Variants in PRDM16 observed in about 807,000 individuals in gnomAD.
PRDM16 encodes the protein histone-lysine N-methyltransferase PRDM16.
A neutral mutation model predicts 110.6 loss-of-function variants in PRDM16; 23 were observed. That is an observed-to-expected ratio of 0.21 (90% CI 0.15 to 0.29). The LOEUF (loss-of-function observed/expected upper bound fraction) is 0.29, where lower values mean the gene tolerates loss of function less well. Ranked by LOEUF, PRDM16 falls within the 10% of genes least tolerant of loss-of-function variation. The pLI is 1.00. For missense variants in PRDM16, 1,615 were observed against 1,794.3 expected, an observed-to-expected ratio of 0.90 and a Z score of 1.81; for synonymous variants, 799 against 781.8, an observed-to-expected ratio of 1.02 and a Z score of -0.37.
chr1:3,384,244 G>A (rs1370884049), intron 3 of PRDM16, among the ~76,000 whole-genome samples: 2 of 152,102 alleles, frequency 1.3e-5, no homozygotes, highest in African/African-American at 2.4e-5. Context: ...TGAGTGTAGC[G>A]TGGCCCCATC....
At chr1:3,342,236 AT>A (rs2100515847) in intron 3 of PRDM16, among the ~76,000 whole-genome samples, 1 of 152,338 alleles carries the variant, frequency 6.6e-6, no homozygotes, top group African/African-American at 2.4e-5. Context: ...ATGAATGAAC[AT>A]ATTCCTAAGA....
At chr1:3,197,501 A>T (rs189613481) in intron 2 of PRDM16, among the ~76,000 whole-genome samples, 61 of 152,236 alleles carry the variant, frequency 4.0e-4, no homozygotes, top group Non-Finnish European at 6.3e-4. Flanking sequence ...TGGTGCCTGC[A>T]CCTGCAGTGC....
At chr1:3,419,376 G>A (rs776024611) in intron 12 of PRDM16, among the ~76,000 whole-genome samples, 4 of 152,216 alleles carry the variant, frequency 2.6e-5, no homozygotes, top group Non-Finnish European at 4.4e-5. Context: ...ACAGCTCATC[G>A]GGATGGGGGA....
chr1:3,379,896 C>A (rs376716970), intron 3 of PRDM16, among the ~76,000 whole-genome samples: 60 of 5,478 alleles, frequency 0.011, no homozygotes, highest in African/African-American at 0.015. Flanking sequence ...CAGCACACCC[C>A]TCCCAACACA....
intron 5 of PRDM16, among the ~76,000 whole-genome samples, chr1:3,402,542 C>T (rs549025341): frequency 2.0e-5 from 3 of 152,312 alleles, no homozygotes; most frequent in Non-Finnish European, 4.4e-5. Flanking sequence ...GCCCGGGGCT[C>T]CCTCTGAGGC....
At chr1:3,270,888 C>T (rs1053370140) in intron 3 of PRDM16, among the ~76,000 whole-genome samples, 4 of 151,132 alleles carry the variant, frequency 2.6e-5, no homozygotes, top group Admixed American at 1.3e-4. Context: ...GGAGGAGGAC[C>T]GTTGGGAGGA....
intron 1 of PRDM16, among the ~76,000 whole-genome samples, chr1:3,164,091 C>T (rs773850710): frequency 1.6e-4 from 24 of 152,344 alleles, no homozygotes; most frequent in Non-Finnish European, 2.9e-4. Context: ...TGGCCCGCTG[C>T]GCCCTGAAGC....
chr1:3,432,446 G>A (rs1045946897), intron 16 of PRDM16, among the ~76,000 whole-genome samples: 2 of 152,204 alleles, frequency 1.3e-5, no homozygotes, highest in Non-Finnish European at 2.9e-5. Context: ...TTTCTGGCCC[G>A]CCCAGCCGCC....
intron 1 of PRDM16, among the ~76,000 whole-genome samples, chr1:3,123,709 C>T (rs1643144676): frequency 6.6e-6 from 1 of 152,220 alleles, no homozygotes. Flanking sequence ...AGGGTGGCAA[C>T]ATCTTTTTCT....
chr1:3,277,557 G>T (rs1164592307), intron 3 of PRDM16, among the ~76,000 whole-genome samples: 1 of 152,236 alleles, frequency 6.6e-6, no homozygotes, highest in Non-Finnish European at 1.5e-5. Context: ...GAGGAAAAAT[G>T]GGTTTATGTT....
At chr1:3,389,562 C>T (rs368595519) in intron 4 of PRDM16, among the ~76,000 whole-genome samples, 2 of 152,176 alleles carry the variant, frequency 1.3e-5, no homozygotes, top group African/African-American at 4.8e-5. Flanking sequence ...ATGGGAGAGC[C>T]GAGCAGAGCC....
At chr1:3,166,685 C>A (rs1012136318) in intron 1 of PRDM16, among the ~76,000 whole-genome samples, 3 of 152,214 alleles carry the variant, frequency 2.0e-5, no homozygotes, top group Admixed American at 1.3e-4. Flanking sequence ...CCTCCCATCA[C>A]CCAGGGATGA....
rs760915108 is a variant in PRDM16, at chr1:3,417,811, C to T, written c.2692-17C>T. On this transcript the variant is annotated splice_polypyrimidine_tract_variant and intron_variant, in intron 10 of 16. Coordinates refer to ENST00000270722, the MANE Select transcript of PRDM16 (RefSeq NM_022114.4). ...AGAGTCAGCTGAGTCCATAACCTCCCACTCTTATGCCTACAGATGTCAGCC... is the reference window on the plus strand; with the variant it reads ...AGAGTCAGCTGAGTCCATAACCTCCTACTCTTATGCCTACAGATGTCAGCC... 2 of 1,612,740 alleles carry T rather than the reference C, an allele frequency of 1.2e-6. No homozygotes were observed. The highest frequency in any genetic ancestry group is 1.7e-6 in the Non-Finnish European group (2 of 1,179,078).
intron 5 of PRDM16, among the ~76,000 whole-genome samples, chr1:3,402,353 G>A (rs1643486198): frequency 6.6e-6 from 1 of 152,234 alleles, no homozygotes; most frequent in Admixed American, 6.5e-5. Flanking sequence ...AATAATAGCT[G>A]CCCCCCTTTT....
At position 3,305,897 on chromosome 1, in the gene PRDM16, A is replaced by C. The variant is rs1641302373; in HGVS notation, c.438+61760A>C. 3.3e-5 allele frequency among the ~76,000 whole-genome samples: 5 copies of C among 152,294 alleles called. No individual in the cohort carries two copies. The South Asian group carries it at 1.0e-3, about 32-fold the overall frequency. ...TTGCTGATTCACTCATTGACTTAAC[A>C]CTTTGCCACTAGCCACCTATGCCAG... On this transcript the variant is annotated intron_variant, in intron 3 of 16. Transcript: ENST00000270722.
At chr1:3,414,351 G>T (rs558511880) in intron 9 of PRDM16, among the ~76,000 whole-genome samples, 2 of 152,148 alleles carry the variant, frequency 1.3e-5, no homozygotes, top group African/African-American at 4.8e-5. Context: ...GGGAGGGTCC[G>T]TCTAGGGGTG....
At chr1:3,132,711 G>A (rs546321254) in intron 1 of PRDM16, among the ~76,000 whole-genome samples, 16 of 152,192 alleles carry the variant, frequency 1.1e-4, no homozygotes, top group Non-Finnish European at 2.4e-4. Context: ...GAGAGTAGAC[G>A]ATTCATTTAA....
In PRDM16 at chr1:3,433,832, C is replaced by T. The variant is rs373722939; in HGVS notation, c.*21C>T. On this transcript the variant is annotated 3_prime_UTR_variant, in exon 17 of 17. Coordinates refer to ENST00000270722, the MANE Select transcript of PRDM16 (RefSeq NM_022114.4). ...TCTGACGGGCTGGGCAGCCGGGGGC[C>T]GGTGGCCAGAGCGAGGGCACCAGCC... 2.5e-4 allele frequency: 400 copies of T among 1,610,800 alleles called. No individual in the cohort carries two copies. The East Asian group carries it at 7.3e-3, about 29-fold the overall frequency.
At chr1:3,122,187 G>A (rs933843523) in intron 1 of PRDM16, among the ~76,000 whole-genome samples, 8 of 152,134 alleles carry the variant, frequency 5.3e-5, no homozygotes, top group African/African-American at 1.7e-4. Context: ...TTCCGCCTGC[G>A]CACTCCTCCC....
Sources: allele counts gnomAD v4.1 joint callset (sites outside exome capture counted in the v4.1 genomes callset), GRCh38; gene constraint gnomAD v4.1.1; transcripts MANE v1.5; gene names NCBI Gene and HGNC (gene_info 2026-07-23, HGNC 2026-07-21).